TMEM120A: variants seen among roughly 807,000 people sequenced by gnomAD.
TMEM120A encodes ion channel TACAN.
In TMEM120A, 45 loss-of-function variants were observed where a neutral mutation model predicts 54.3. The observed-to-expected ratio is 0.83, with a 90% CI of 0.65 to 1.06. The LOEUF is 1.06. Ranked by LOEUF, TMEM120A falls within the 50% of genes least tolerant of loss-of-function variation. The pLI is 0.00. For missense variants in TMEM120A, 424 were observed against 441.7 expected (o/e 0.96, Z 0.36); for synonymous variants, 204 against 178.5 (o/e 1.14, Z -1.14).
rs782353976 is a variant in TMEM120A, at chr7:75,992,458, G to T, written c.181C>A (p.Leu61Met). 3.8e-6 allele frequency: 6 copies of T among 1,594,758 alleles called. No individual in the cohort carries two copies. In the East Asian group the frequency reaches 1.4e-4, roughly 36 times the overall value. The change falls in exon 2 of 12, where the codon CTG becomes ATG. Residue 61 changes from leucine (L) to methionine (M), a missense_variant. Leu to Met is a conservative substitution (Grantham distance 15). Coordinates refer to ENST00000493111, the MANE Select transcript of TMEM120A (RefSeq NM_031925.3). ...ITRQKKRLQE[L>M]ALALKKCKPS... is the part of the protein sequence containing the mutation. ...CCTAACTTCTTCAGGGCGAGGGCCA[G>T]CTCCTGGAGCCGCTTCTTCTGCCGC... is the stretch of plus-strand genomic sequence containing the variant.
rs1048049957 is a variant in TMEM120A at position 75,987,942 on chromosome 7, G to A, written c.672C>T (p.Leu224=). The change falls in exon 8 of 12, where the codon CTC becomes CTT. Residue 224 remains leucine, a synonymous_variant. Coordinates refer to ENST00000493111, the MANE Select transcript of TMEM120A (RefSeq NM_031925.3). ...LMYQKFRNQF[L]SFSMYQSFVQ... is the part of the protein sequence containing the mutation. Reference sequence around the variant, plus strand: ...ACTCACTCTGGTACATGGAAAAGGAGAGGAATTGGTTCCGGAATTTCTGGT... The same window carrying A: ...ACTCACTCTGGTACATGGAAAAGGAAAGGAATTGGTTCCGGAATTTCTGGT... The A allele has an allele frequency of 1.9e-6, 3 of 1,603,788 alleles. No homozygotes were observed. In the African/African-American group the frequency reaches 4.0e-5, roughly 21 times the overall value.
rs782205246 is a variant in TMEM120A at position 75,987,578 on chromosome 7, C to T, written c.809G>A (p.Arg270Gln). Residue 270 changes from arginine to glutamine, a missense_variant, in exon 10 of 12, where the codon CGG becomes CAG. Coordinates refer to ENST00000493111, the MANE Select transcript of TMEM120A (RefSeq NM_031925.3). The part of the protein sequence containing the change: ...TVEGFQSWMW[R>Q]GLTFLLPFLF... ...AAAAGGCAGCAGGAAGGTGAGGCCC[C>T]GCCACATCCAGGACTGGAAGCCCTC... The T allele has an allele frequency of 2.9e-5, 47 of 1,607,426 alleles. No individual in the cohort carries two copies. The highest frequency in any genetic ancestry group is 2.1e-4 in the South Asian group (19 of 90,162).
intron 1 of TMEM120A, 106 bp downstream of exon 1, chr7:75,994,384 C>T: frequency 9.6e-7 from 1 of 1,043,630 alleles, no homozygotes; most frequent in Non-Finnish European, 1.4e-6. Context: ...GGGCCCCGAC[C>T]CCTGACCCTT....
At chr7:75,989,106 GGGTAGGGGGC>G (rs1789724751) in intron 4 of TMEM120A, 49 bp downstream of exon 4, 2 of 438,384 alleles carry the variant, frequency 4.6e-6, no homozygotes, top group African/African-American at 3.9e-5. Context: ...GGGGGGAGGG[GGGTAGGGGGC>G]TAGGGGTGGA....
intron 1 of TMEM120A, 32 bp from the exon 2 acceptor site, chr7:75,992,589 T>A (rs1207844841): frequency 6.7e-7 from 1 of 1,501,910 alleles, no homozygotes; most frequent in African/African-American, 1.4e-5. Context: ...CTCAGGCCAG[T>A]TGGGGAGCTA....
In TMEM120A at chr7:75,992,191, G is replaced by A; in HGVS notation, c.270C>T (p.Arg90=). ...CCTCCATGTCAAAGAAGAGGCCTTG[G>A]CGCTCTTTCATCTGGTTCTCCAGCT... ...AQELENQMKE[R]QGLFFDMEAY... is the part of the protein sequence containing the mutation. Residue 90 remains arginine, a synonymous_variant, in exon 3 of 12, where the codon CGC becomes CGT. Transcript: ENST00000493111. 1.2e-6 allele frequency: 2 copies of A among 1,612,286 alleles called. No homozygotes were observed. Among genetic ancestry groups the A allele is most frequent in the South Asian group, 1.1e-5 (1 of 90,916 alleles).
rs370331956 is a variant in TMEM120A at position 75,987,298 on chromosome 7, T to A, written c.919-13A>T. On this transcript the variant is annotated splice_polypyrimidine_tract_variant and intron_variant, in intron 11 of 11. Coordinates refer to ENST00000493111, the MANE Select transcript of TMEM120A (RefSeq NM_031925.3). ...CGCACATAAGCACCTGCCGGAGGAA[T>A]AGGGTGAGGGCTGGACATGGGCCTG... 6.3e-7 allele frequency: 1 copy of A among 1,586,746 alleles called. No homozygotes were observed. The highest frequency in any genetic ancestry group is 8.6e-7 in the Non-Finnish European group (1 of 1,167,634).
At chr7:75,992,358 A>C in intron 2 of TMEM120A, 81 bp downstream of exon 2, 11 of 1,546,008 alleles carry the variant, frequency 7.1e-6, no homozygotes, top group Non-Finnish European at 8.8e-6. Flanking sequence ...CAGAGAGGGG[A>C]GGGGCGGTGC....
At chr7:75,988,171 C>T (rs781896643) in intron 6 of TMEM120A, 23 bp from the exon 7 acceptor site, 1 of 1,611,012 alleles carries the variant, frequency 6.2e-7, no homozygotes. Flanking sequence ...GCCACCATCA[C>T]CCCCAGCGCC....
At position 75,987,197 on chromosome 7, in the gene TMEM120A, T is replaced by C. The variant is rs782210947; in HGVS notation, c.1007A>G (p.Gln336Arg). Residue 336 changes from glutamine to arginine, a missense_variant, in exon 12 of 12, where the codon CAG becomes CGG. By Grantham distance (43) the Gln-to-Arg change is conservative (BLOSUM62 1). Coordinates refer to ENST00000493111, the MANE Select transcript of TMEM120A (RefSeq NM_031925.3). ...LRVVHHKFHS[Q>R]RHGSKKD ...TCAATCCTTCTTGCTCCCGTGCCGCTGACTGTGAAACTTGTGGTGCACAAC... is the reference window on the plus strand; with the variant it reads ...TCAATCCTTCTTGCTCCCGTGCCGCCGACTGTGAAACTTGTGGTGCACAAC... 6 of 1,606,478 alleles carry C rather than the reference T, an allele frequency of 3.7e-6. No individual in the cohort carries two copies. The East Asian group carries it at 1.3e-4, about 36-fold the overall frequency.
intron 1 of TMEM120A, among the ~76,000 whole-genome samples, chr7:75,994,047 G>A (rs1286580299): frequency 2.0e-5 from 3 of 151,440 alleles, no homozygotes; most frequent in Admixed American, 6.6e-5. Context: ...CCTCGGCGGC[G>A]CGCGGTATCC....
At position 75,986,985 on chromosome 7, in the gene TMEM120A, C is replaced by T. The variant is rs1396070902; in HGVS notation, c.*187G>A. 4 of 619,366 alleles carry T rather than the reference C, an allele frequency of 6.5e-6. No homozygotes were observed. The East Asian group carries it at 8.2e-5, about 13-fold the overall frequency. 38.4% of individuals were successfully genotyped at this position (619,366 alleles called of 1,614,324 possible). A position where few individuals can be genotyped will look rare whatever the true frequency, so the allele number is the denominator to read the frequency against. On this transcript the variant is annotated 3_prime_UTR_variant, in exon 12 of 12. Transcript: ENST00000493111. ...CCCAGGAGAACACACACGCTCAGGC[C>T]ACCTCTGGGCCTCTCTTTATTGAGG...
At position 75,994,530 on chromosome 7, in the gene TMEM120A, C is replaced by G; in HGVS notation, c.41G>C (p.Arg14Pro). Residue 14 changes from arginine to proline, a missense_variant, in exon 1 of 12, where the codon CGG becomes CCG. Arg to Pro is a moderately radical substitution (Grantham distance 103, BLOSUM62 -2). Transcript: ENST00000493111. Reference sequence around the variant, plus strand: ...GTCCTGCTGTAGATCCTCCCAGTCCCGCAGGCAGTCGCCCAGCGGGCCCGG... The same window carrying G: ...GTCCTGCTGTAGATCCTCCCAGTCCGGCAGGCAGTCGCCCAGCGGGCCCGG... ...PPPGPLGDCLRDWEDLQQDFQ... is the reference protein window; with the variant it reads ...PPPGPLGDCLPDWEDLQQDFQ... The G allele has an allele frequency of 6.4e-7, 1 of 1,563,386 alleles. No homozygotes were observed. The highest frequency in any genetic ancestry group is 1.2e-5 in the South Asian group (1 of 85,446).
intron 4 of TMEM120A, 32 bp from the exon 5 acceptor site, chr7:75,988,548 G>C (rs782805866): frequency 1.3e-6 from 2 of 1,529,214 alleles, no homozygotes; most frequent in Non-Finnish European, 8.9e-7. Flanking sequence ...GACGGGTGGG[G>C]TGCTGGTGGG....
At chr7:75,991,841 G>C (rs77877022) in intron 3 of TMEM120A, among the ~76,000 whole-genome samples, 1,660 of 152,164 alleles carry the variant, frequency 0.011, 26 homozygotes, top group African/African-American at 0.036. Context: ...CACCACGCCC[G>C]GCCCACTCTT....
In TMEM120A at chr7:75,987,807, A is replaced by G; in HGVS notation, c.695T>C (p.Phe232Ser). 3 of 1,611,816 alleles carry G rather than the reference A, an allele frequency of 1.9e-6. No homozygotes were observed. The highest frequency in any genetic ancestry group is 2.5e-6 in the Non-Finnish European group (3 of 1,179,564). ...GTAGTAGTACTGGAGAAACTGCACG[A>G]AGCCTGGGCCGGGCGGAGGACAGAG... Reference protein sequence around the residue: ...QFLSFSMYQSFVQFLQYYYQS... With the variant: ...QFLSFSMYQSSVQFLQYYYQS... The change falls in exon 9 of 12, where the codon TTC becomes TCC. Residue 232 changes from phenylalanine (F) to serine (S), a missense_variant. Physicochemically the swap from Phe to Ser is radical, Grantham distance 155. Transcript: ENST00000493111.
rs1554562128 is a variant in TMEM120A at position 75,992,584 on chromosome 7, G to A, written c.82-27C>T. On this transcript the variant is annotated intron_variant, in intron 1 of 11. Transcript: ENST00000493111. ...TGGGGGCCGGAGGGGAGAGGCTCAG[G>A]CCAGTTGGGGAGCTACTGAGCCAGA... is the stretch of plus-strand genomic sequence containing the variant. The A allele has an allele frequency of 2.0e-6, 3 of 1,516,092 alleles. No homozygotes were observed. The South Asian group carries it at 3.6e-5, about 18-fold the overall frequency. 93.9% of individuals were successfully genotyped at this position (1,516,092 alleles called of 1,614,324 possible).
chr7:75,991,392 AT>A (rs1295239576), intron 3 of TMEM120A, among the ~76,000 whole-genome samples: 1 of 150,830 alleles, frequency 6.6e-6, no homozygotes, highest in African/African-American at 2.4e-5. Flanking sequence ...TGTCTGCCTC[AT>A]TTTTTTTATT....
At position 75,988,247 on chromosome 7, in the gene TMEM120A, C is replaced by T. The variant is rs1554560674; in HGVS notation, c.563+5G>A. ...CTCCCCTCCCTCAGGGCCCGCCCTG[C>T]CCACCGGGAGCCGTTGTTGATGAGG... On this transcript the variant is annotated splice_donor_5th_base_variant and intron_variant, in intron 6 of 11. Transcript: ENST00000493111. 1.9e-6 allele frequency: 3 copies of T among 1,611,934 alleles called. No individual in the cohort carries two copies. The highest frequency in any genetic ancestry group is 4.5e-5 in the East Asian group (2 of 44,806).
Sources: allele counts gnomAD v4.1 joint callset (sites outside exome capture counted in the v4.1 genomes callset), GRCh38; gene constraint gnomAD v4.1.1; transcripts MANE v1.5; gene names NCBI Gene and HGNC (gene_info 2026-07-23, HGNC 2026-07-21).